The following ZBTB20 variants were observed in gnomAD, a reference collection of about 807,000 sequenced individuals.
The protein encoded by ZBTB20 is zinc finger and BTB domain-containing protein 20.
A neutral mutation model predicts 56.9 loss-of-function variants in ZBTB20; 9 were observed. That is an observed-to-expected ratio of 0.16 (90% CI 0.10 to 0.28). The LOEUF is 0.28. Among genes scored for constraint, ZBTB20 ranks in the 10% least tolerant of loss-of-function variants. ZBTB20 has a pLI of 1.00. For synonymous variants in ZBTB20, 417 were observed against 420.7 expected, an observed-to-expected ratio of 0.99 and a Z score of 0.11; for missense variants, 655 against 1,003.0, an observed-to-expected ratio of 0.65 and a Z score of 4.69.
chr3:114,874,810 C>A (rs2076132653), intron 4 of ZBTB20, among the ~76,000 whole-genome samples: 1 of 152,162 alleles, frequency 6.6e-6, no homozygotes, highest in South Asian at 2.1e-4. Flanking sequence ...TTGGTGCTTG[C>A]CAACTACAAT....
intron 7 of ZBTB20, among the ~76,000 whole-genome samples, chr3:114,407,112 C>T (rs925082069): frequency 3.3e-5 from 5 of 152,138 alleles, no homozygotes; most frequent in African/African-American, 7.2e-5. Context: ...AGCCAACTGG[C>T]GTCACTGTCC....
At chr3:114,717,920 T>C (rs1316251582) in intron 5 of ZBTB20, among the ~76,000 whole-genome samples, 1 of 152,144 alleles carries the variant, frequency 6.6e-6, no homozygotes, top group Non-Finnish European at 1.5e-5. Context: ...CTTTCTCTAC[T>C]ATCTTACAGG....
intron 2 of ZBTB20, among the ~76,000 whole-genome samples, chr3:114,988,275 G>A (rs1251055232): frequency 3.6e-5 from 3 of 82,926 alleles, no homozygotes; most frequent in East Asian, 4.0e-4. Context: ...GACAGGCCCC[G>A]GGGTGTGATG....
intron 6 of ZBTB20, among the ~76,000 whole-genome samples, chr3:114,565,344 C>G (rs903305405): frequency 6.6e-6 from 1 of 152,152 alleles, no homozygotes; most frequent in South Asian, 2.1e-4. Flanking sequence ...CATAATTACC[C>G]GATTGTCGCA....
At chr3:114,408,142 C>T (rs2087524748) in intron 7 of ZBTB20, among the ~76,000 whole-genome samples, 1 of 152,124 alleles carries the variant, frequency 6.6e-6, no homozygotes, top group Non-Finnish European at 1.5e-5. Flanking sequence ...CTTTAGCTTT[C>T]TAGAGTTACG....
chr3:114,992,326 C>T (rs894228870), intron 2 of ZBTB20, among the ~76,000 whole-genome samples: 7 of 151,862 alleles, frequency 4.6e-5, no homozygotes, highest in Admixed American at 4.6e-4. Flanking sequence ...AATTATTAGG[C>T]TATAAGCAAT....
At chr3:115,010,195 C>T (rs1224722191) in intron 2 of ZBTB20, among the ~76,000 whole-genome samples, 1 of 151,894 alleles carries the variant, frequency 6.6e-6, no homozygotes, top group Non-Finnish European at 1.5e-5. Context: ...CCTGGGGGTC[C>T]TTGCTGTCCT....
intron 5 of ZBTB20, among the ~76,000 whole-genome samples, chr3:114,754,308 G>T (rs2067834944): frequency 6.6e-6 from 1 of 152,152 alleles, no homozygotes; most frequent in South Asian, 2.1e-4. Flanking sequence ...TCTCAAAAAG[G>T]ATCCTGGCAA....
intron 5 of ZBTB20, among the ~76,000 whole-genome samples, chr3:114,727,466 A>G (rs1229424895): frequency 2.6e-5 from 4 of 152,180 alleles, no homozygotes; most frequent in Non-Finnish European, 4.4e-5. Context: ...AGAACTTTCT[A>G]CCTAGGCATG....
intron 7 of ZBTB20, among the ~76,000 whole-genome samples, chr3:114,437,250 T>TA (rs1396601519): frequency 3.3e-5 from 5 of 152,072 alleles, no homozygotes; most frequent in South Asian, 2.1e-4. Context: ...GGTGAACCAC[T>TA]AAAAAAATCC....
At chr3:114,608,453 T>C (rs559639946) in intron 6 of ZBTB20, among the ~76,000 whole-genome samples, 3 of 152,194 alleles carry the variant, frequency 2.0e-5, no homozygotes, top group Non-Finnish European at 4.4e-5. Flanking sequence ...GTGACCCTGA[T>C]GATTCTTAGT....
intron 2 of ZBTB20, among the ~76,000 whole-genome samples, chr3:115,058,009 C>T (rs946049822): frequency 2.6e-5 from 4 of 152,112 alleles, no homozygotes; most frequent in Non-Finnish European, 5.9e-5. Flanking sequence ...GCAAGAAGTG[C>T]TGAGCAAAAG....
At chr3:114,471,409 CAAA>C (rs2040114708) in intron 7 of ZBTB20, among the ~76,000 whole-genome samples, 1 of 152,020 alleles carries the variant, frequency 6.6e-6, no homozygotes, top group Non-Finnish European at 1.5e-5. Context: ...AATATGGGAA[CAAA>C]ATCTAAAGAG....
At chr3:115,075,318 C>A (rs1049200375) in intron 1 of ZBTB20, among the ~76,000 whole-genome samples, 2 of 152,114 alleles carry the variant, frequency 1.3e-5, no homozygotes, top group African/African-American at 4.8e-5. Context: ...CACCATCATT[C>A]TATTCCTTGA....
chr3:115,052,104 C>T (rs1445754051), intron 2 of ZBTB20, among the ~76,000 whole-genome samples: 1 of 151,986 alleles, frequency 6.6e-6, no homozygotes, highest in East Asian at 1.9e-4. Context: ...CCAACCATAT[C>T]AGTGAAATCC....
At chr3:114,629,475 A>C (rs992139290) in intron 6 of ZBTB20, among the ~76,000 whole-genome samples, 1 of 152,172 alleles carries the variant, frequency 6.6e-6, no homozygotes, top group African/African-American at 2.4e-5. Context: ...AGTCTCAGTA[A>C]AATCATGTAA....
chr3:114,678,526 G>T (rs2108228974), intron 6 of ZBTB20, among the ~76,000 whole-genome samples: 1 of 152,196 alleles, frequency 6.6e-6, no homozygotes, highest in African/African-American at 2.4e-5. Context: ...TATAGCTAAA[G>T]ATTTGAAGTG....
intron 2 of ZBTB20, among the ~76,000 whole-genome samples, chr3:114,977,280 T>C (rs989680935): frequency 1.3e-5 from 2 of 152,210 alleles, no homozygotes; most frequent in East Asian, 3.8e-4. Context: ...TTTGTTGTCC[T>C]GAAATGAACT....
At chr3:115,063,335 G>C (rs1010172048) in intron 2 of ZBTB20, among the ~76,000 whole-genome samples, 2 of 152,168 alleles carry the variant, frequency 1.3e-5, no homozygotes, top group African/African-American at 4.8e-5. Context: ...TGAGAAGTCT[G>C]AGATTAGAAT....
Sources: allele counts gnomAD v4.1 joint callset (sites outside exome capture counted in the v4.1 genomes callset), GRCh38; gene constraint gnomAD v4.1.1; transcripts MANE v1.5; gene names NCBI Gene and HGNC (gene_info 2026-07-23, HGNC 2026-07-21).